Variants in DMXL1 observed in about 807,000 individuals in gnomAD.
DMXL1 encodes Dmx like 1.
Under a neutral mutation model 319.2 loss-of-function variants are expected in DMXL1, and 99 were observed. The observed-to-expected ratio is 0.31, with a 90% CI of 0.26 to 0.37. The LOEUF (loss-of-function observed/expected upper bound fraction) is 0.37. Among genes scored for constraint, DMXL1 ranks in the 10% least tolerant of loss-of-function variants. The pLI is 1.00. For missense variants in DMXL1, 3,745 were observed against 3,595.6 expected (o/e 1.04, Z -1.06); for synonymous variants, 1,385 against 1,235.2 (o/e 1.12, Z -2.54).
rs1264971997 is a variant in DMXL1 at position 119,071,542 on chromosome 5, G to C, written c.-28G>C. 1.3e-6 allele frequency: 2 copies of C among 1,586,156 alleles called. No individual in the cohort carries two copies. Among genetic ancestry groups the C allele is most frequent in the South Asian group, 2.3e-5 (2 of 86,984 alleles). Reference sequence around the variant, plus strand: ...TGACCCGTGGCATGAGCTGGATGCGGTGTCCGTTGCAGGACTAGGGCGCCG... The same window carrying C: ...TGACCCGTGGCATGAGCTGGATGCGCTGTCCGTTGCAGGACTAGGGCGCCG... On this transcript the variant is annotated 5_prime_UTR_variant, in exon 1 of 44. Coordinates refer to ENST00000539542, the MANE Select transcript of DMXL1 (RefSeq NM_001290321.3).
chr5:119,133,771 C>T lies in DMXL1; in HGVS notation c.1847C>T (p.Ala616Val). The T allele has an allele frequency of 6.2e-7, 1 of 1,614,144 alleles. No individual in the cohort carries two copies. Among genetic ancestry groups the T allele is most frequent in the Non-Finnish European group, 8.5e-7 (1 of 1,180,028 alleles). Residue 616 changes from alanine to valine, a missense_variant, in exon 12 of 44, where the codon GCC becomes GTC. Ala to Val is a moderately conservative substitution (Grantham distance 64). Transcript: ENST00000539542. Reference protein sequence around the residue: ...GSLNQWLVSFAEESAFSTVLS... With the variant: ...GSLNQWLVSFVEESAFSTVLS... ...CTGAATCAGTGGCTGGTCAGTTTTG[C>T]CGAGGAATCTGCTTTTTCTACTGTT...
At position 119,127,997 on chromosome 5, in the gene DMXL1, A is replaced by T. The variant is rs993851885; in HGVS notation, c.1103-1214A>T. 11 of 409,514 alleles carry T rather than the reference A, an allele frequency of 2.7e-5. No individual in the cohort carries two copies. In the East Asian group the frequency reaches 6.7e-4, roughly 25 times the overall value. The allele number at this position is 409,514 out of a possible 1,614,324, so 25.4% of individuals were successfully genotyped here. A position where few individuals can be genotyped will look rare whatever the true frequency, so the allele number is the denominator to read the frequency against. On this transcript the variant is annotated intron_variant, in intron 9 of 43. Transcript: ENST00000539542. ...AGTATAAACAACCCTGCACCCTGTT[A>T]TGAGGCATCTGACATCTGTTTTATC...
chr5:119,230,936 A>G (rs1786593606), intron 38 of DMXL1, among the ~76,000 whole-genome samples: 1 of 152,174 alleles, frequency 6.6e-6, no homozygotes, highest in African/African-American at 2.4e-5. Flanking sequence ...TGTGTTTCTG[A>G]AAATGGGACA....
chr5:119,149,490 G>C lies in DMXL1; in HGVS notation c.3663G>C (p.Trp1221Cys). Residue 1221 changes from tryptophan to cysteine, a missense_variant, in exon 18 of 44, where the codon TGG becomes TGC. By Grantham distance (215) the Trp-to-Cys change is radical. This residue lies in a region of DMXL1 where 2,096 missense variants were observed against 1,985.4 expected (regional missense o/e 1.06). Transcript: ENST00000539542. ...CACCTTTTCCTGTTTCTTTATCGTG[G>C]GTCCGGGATGGCATCCTTGTGGTAG... ...GSPPFPVSLS[W>C]VRDGILVVGM... 1 of 1,613,892 alleles carries C rather than the reference G, an allele frequency of 6.2e-7. No individual in the cohort carries two copies. Among genetic ancestry groups the C allele is most frequent in the Non-Finnish European group, 8.5e-7 (1 of 1,179,896 alleles).
At chr5:119,105,286 A>T (rs1374519069) in intron 4 of DMXL1, 28 bp downstream of exon 4, 1 of 1,525,242 alleles carries the variant, frequency 6.6e-7, no homozygotes, top group Admixed American at 1.7e-5. Flanking sequence ...ATTAACTAAA[A>T]TGAAATATCA....
At chr5:119,204,963 C>G (rs1329771638) in intron 33 of DMXL1, among the ~76,000 whole-genome samples, 1 of 152,084 alleles carries the variant, frequency 6.6e-6, no homozygotes, top group Non-Finnish European at 1.5e-5. Context: ...AATTTAAGCA[C>G]CAATTTTAAG....
chr5:119,085,291 C>T, intron 1 of DMXL1, among the ~76,000 whole-genome samples: 1 of 151,724 alleles, frequency 6.6e-6, no homozygotes. Flanking sequence ...AGATTGGTGC[C>T]ACTGCACTCC....
rs142149872 is a variant in DMXL1 at position 119,149,727 on chromosome 5, C to A, written c.3900C>A (p.Phe1300Leu). ...AAATCTGTGGAAAGAAAACTGCATT[C>A]GATCCTTCAGTGGATATGGAAGATT... ...AQKICGKKTA[F>L]DPSVDMEDSG... The change falls in exon 18 of 44, where the codon TTC (phenylalanine) becomes TTA (leucine). Residue 1300 changes from phenylalanine (F) to leucine (L), a missense_variant. Phe to Leu is a conservative substitution (Grantham distance 22, BLOSUM62 0). Coordinates refer to ENST00000539542, the MANE Select transcript of DMXL1 (RefSeq NM_001290321.3). 1 of 1,613,986 alleles carries A rather than the reference C, an allele frequency of 6.2e-7. No homozygotes were observed. The highest frequency in any genetic ancestry group is 1.1e-5 in the South Asian group (1 of 91,068).
In DMXL1 at chr5:119,170,679, C is replaced by T; in HGVS notation, c.5888C>T (p.Ser1963Phe). ...CCAAGTGTTGTGTTTCAGGATGACT[C>T]TTTAGAGTTAAAATGGGACAGTGAT... ...SQPSVVFQDD[S>F]LELKWDSDND... The change falls in exon 24 of 44, where the codon TCT becomes TTT. Residue 1963 changes from serine (S) to phenylalanine (F), a missense_variant. Coordinates refer to ENST00000539542, the MANE Select transcript of DMXL1 (RefSeq NM_001290321.3). 6.2e-7 allele frequency: 1 copy of T among 1,613,460 alleles called. No individual in the cohort carries two copies. Among genetic ancestry groups the T allele is most frequent in the Non-Finnish European group, 8.5e-7 (1 of 1,179,874 alleles).
chr5:119,204,350 G>A (rs1458641305), intron 33 of DMXL1, among the ~76,000 whole-genome samples: 5 of 152,068 alleles, frequency 3.3e-5, no homozygotes, highest in Admixed American at 6.6e-5. Flanking sequence ...TATTGCCCAG[G>A]GTGGTCTTGA....
intron 39 of DMXL1, among the ~76,000 whole-genome samples, chr5:119,234,850 AG>A (rs1203642998): frequency 6.6e-6 from 1 of 152,148 alleles, no homozygotes; most frequent in Non-Finnish European, 1.5e-5. Context: ...ATTTTTTTCA[AG>A]AACCCTTCAA....
intron 28 of DMXL1, among the ~76,000 whole-genome samples, chr5:119,183,470 C>G (rs1777132162): frequency 6.6e-6 from 1 of 152,030 alleles, no homozygotes; most frequent in Admixed American, 6.6e-5. Context: ...GAAGGGAATA[C>G]TTTCCTTTTC....
rs917583241 is a variant in DMXL1 at position 119,081,526 on chromosome 5, A to C, written c.87+9870A>C. 6 of 972,740 alleles carry C rather than the reference A, an allele frequency of 6.2e-6. No homozygotes were observed. The South Asian group carries it at 2.4e-4, about 39-fold the overall frequency. The allele number at this position is 972,740 out of a possible 1,614,324, so 60.3% of individuals were successfully genotyped here. The stretch of plus-strand genomic sequence containing the variant: ...CTCAAACATCTTCACACTTAAGTCA[A>C]TTAACAGGTATATATAGTTGGCTTC... On this transcript the variant is annotated intron_variant, in intron 1 of 43. Transcript: ENST00000539542.
At chr5:119,203,974 C>T (rs1172582455) in intron 33 of DMXL1, among the ~76,000 whole-genome samples, 1 of 152,064 alleles carries the variant, frequency 6.6e-6, no homozygotes, top group Non-Finnish European at 1.5e-5. Context: ...AGGTGCCCGC[C>T]ACCACGCCCA....
In DMXL1 at chr5:119,106,959, A is replaced by G. The variant is rs966201191; in HGVS notation, c.364+1701A>G. Among the ~76,000 whole-genome samples, 7 of 152,218 alleles carry G rather than the reference A, an allele frequency of 4.6e-5. No individual in the cohort carries two copies. The South Asian group carries it at 1.0e-3, about 22-fold the overall frequency. ...ATGTAGGAGTTAGAGGTAGTGGAAC[A>G]TAAGGTATTAATTGGATATGTGGAC... On this transcript the variant is annotated intron_variant, in intron 4 of 43. Coordinates refer to ENST00000539542, the MANE Select transcript of DMXL1 (RefSeq NM_001290321.3).
At chr5:119,127,691 G>C (rs1005623055) in intron 9 of DMXL1, 1 of 187,960 alleles carries the variant, frequency 5.3e-6, no homozygotes. Context: ...TGCCTGCTCT[G>C]GCCTCCCAGA....
chr5:119,222,315 T>C (rs952415876), intron 37 of DMXL1, among the ~76,000 whole-genome samples: 3 of 152,174 alleles, frequency 2.0e-5, no homozygotes, highest in Non-Finnish European at 4.4e-5. Context: ...TCTGTTCTCC[T>C]TAGTTCAGTG....
intron 23 of DMXL1, among the ~76,000 whole-genome samples, chr5:119,168,320 CTT>C (rs1204784047): frequency 2.0e-5 from 3 of 152,148 alleles, no homozygotes; most frequent in Non-Finnish European, 4.4e-5. Context: ...CTTATGTACT[CTT>C]TTGAGTCTGC....
Position 119,110,258 on chromosome 5 carries a change from G to T in DMXL1, c.472G>T (p.Asp158Tyr). The T allele has an allele frequency of 6.4e-7, 1 of 1,573,572 alleles. No individual in the cohort carries two copies. The highest frequency in any genetic ancestry group is 8.6e-7 in the Non-Finnish European group (1 of 1,167,750). Residue 158 changes from aspartate (D) to tyrosine (Y), a missense_variant, in exon 5 of 44, where the codon GAT becomes TAT. By Grantham distance (160) the Asp-to-Tyr change is radical. This residue lies in a region of DMXL1 where 2,096 missense variants were observed against 1,985.4 expected (regional missense o/e 1.06). Coordinates refer to ENST00000539542, the MANE Select transcript of DMXL1 (RefSeq NM_001290321.3). ...AAATAAAACAGATCTTAACTTTGGA[G>T]ATTGGAAATGCATTTGGCATTGCAA... ...NLNKTDLNFG[D>Y]WKCIWHCKTA...
Sources: allele counts gnomAD v4.1 joint callset (sites outside exome capture counted in the v4.1 genomes callset), GRCh38; gene constraint gnomAD v4.1.1; regional missense constraint gnomAD v4.1.1; transcripts MANE v1.5; gene names NCBI Gene and HGNC (gene_info 2026-07-23, HGNC 2026-07-21).